Variants in RXRA observed in about 807,000 individuals in gnomAD.
RXRA encodes the protein retinoic acid receptor RXR-alpha.
Under a neutral mutation model 44.5 loss-of-function variants are expected in RXRA, and 5 were observed. The observed-to-expected ratio is 0.11, with a 90% CI of 0.06 to 0.24. The LOEUF (loss-of-function observed/expected upper bound fraction) is 0.24. Ranked by LOEUF, RXRA falls within the 10% of genes least tolerant of loss-of-function variation. The pLI is 1.00. For missense variants in RXRA, 412 were observed against 646.5 expected (o/e 0.64, Z 3.93); for synonymous variants, 291 against 271.4 (o/e 1.07, Z -0.71).
intron 1 of RXRA, among the ~76,000 whole-genome samples, chr9:134,355,689 G>T (rs1830274975): frequency 6.6e-6 from 1 of 152,050 alleles, no homozygotes; most frequent in African/African-American, 2.4e-5. Context: ...GTGCACCCCC[G>T]CTGGGTGGGG....
In RXRA at chr9:134,417,843, GC is replaced by G. The variant is rs1447022669; in HGVS notation, c.780+522del. On this transcript the variant is annotated intron_variant, in intron 5 of 9. Coordinates refer to ENST00000481739, the MANE Select transcript of RXRA (RefSeq NM_002957.6). This position sits in a 1 kb window ranked among gnomAD's most constrained non-coding sequence, Gnocchi z 6.1. The stretch of plus-strand genomic sequence containing the variant: ...TGTTGATACAGGAAGCAGCTCTGCA[GC>G]CCCCCAGCTGGTCACCCCCATGCTG... Among the ~76,000 whole-genome samples, 1 of 152,012 alleles carries G rather than the reference GC, an allele frequency of 6.6e-6. No individual in the cohort carries two copies. Among genetic ancestry groups the G allele is most frequent in the Admixed American group, 6.5e-5 (1 of 15,276 alleles).
chr9:134,410,895 G>A (rs1285884208), intron 4 of RXRA, among the ~76,000 whole-genome samples: 8 of 152,186 alleles, frequency 5.3e-5, no homozygotes, highest in African/African-American at 1.9e-4. Context: ...CAGTAAGCTC[G>A]CTGTCCTTTG....
chr9:134,410,388 AGG>A (rs1196357998), intron 4 of RXRA, among the ~76,000 whole-genome samples: 39 of 152,342 alleles, frequency 2.6e-4, no homozygotes, highest in Middle Eastern at 3.4e-3. Flanking sequence ...AGCCTTGCGC[AGG>A]GTCACATGCT....
intron 1 of RXRA, among the ~76,000 whole-genome samples, chr9:134,337,078 G>A (rs564523127): frequency 2.6e-5 from 4 of 152,306 alleles, no homozygotes; most frequent in African/African-American, 9.6e-5. Flanking sequence ...AGTGCTCAGC[G>A]TGTTGGAGAT....
chr9:134,380,754 C>T (rs921889429), intron 1 of RXRA, among the ~76,000 whole-genome samples: 1 of 152,092 alleles, frequency 6.6e-6, no homozygotes, highest in Non-Finnish European at 1.5e-5. Context: ...CTTTCCAGTT[C>T]CCCGGCACCT....
chr9:134,382,127 G>GC (rs1378687623), intron 1 of RXRA, among the ~76,000 whole-genome samples: 6 of 151,912 alleles, frequency 3.9e-5, no homozygotes, highest in East Asian at 3.9e-4. Context: ...CCAGGATGTG[G>GC]GGGGGCGCAG....
intron 1 of RXRA, among the ~76,000 whole-genome samples, chr9:134,350,318 C>T (rs367586152): frequency 6.6e-6 from 1 of 152,172 alleles, no homozygotes; most frequent in African/African-American, 2.4e-5. Flanking sequence ...CCCCGCCTCG[C>T]CAGCTGCAGC....
intron 1 of RXRA, among the ~76,000 whole-genome samples, chr9:134,339,604 T>G (rs1296687974): frequency 6.7e-6 from 1 of 149,536 alleles, no homozygotes; most frequent in Non-Finnish European, 1.5e-5. Context: ...CCTGTGCGTG[T>G]GTTTCTGTGT....
intron 1 of RXRA, among the ~76,000 whole-genome samples, chr9:134,331,683 G>T (rs1449840363): frequency 4.6e-5 from 7 of 152,260 alleles, no homozygotes; most frequent in Admixed American, 3.3e-4. Flanking sequence ...GGACCTTGTG[G>T]AGGTGTCACA....
rs151121390 is a variant in RXRA, at chr9:134,370,519, G to T, written c.29-31113G>T. Among the ~76,000 whole-genome samples the T allele has an allele frequency of 4.0e-3, 615 of 152,356 alleles. 4 individuals carry two copies. The highest frequency in any genetic ancestry group is 0.013 in the African/African-American group (551 of 41,584). ...CAGGACAAGGCCAAGCCTTTGCCCC[G>T]TAGACGAAGGGCTCATGGTGAGCCC... On this transcript the variant is annotated intron_variant, in intron 1 of 9. Transcript: ENST00000481739.
chr9:134,424,373 T>C, intron 6 of RXRA: 3 of 985,412 alleles, frequency 3.0e-6, no homozygotes, highest in Non-Finnish European at 3.6e-6. Flanking sequence ...TGCGGCTGCA[T>C]GTCTCTGAGT....
chr9:134,379,948 T>G, intron 1 of RXRA: 1 of 985,268 alleles, frequency 1.0e-6, no homozygotes, highest in Non-Finnish European at 1.2e-6. Context: ...CCTCCCAGCC[T>G]GCTCCCCTGG....
Position 134,417,345 on chromosome 9 carries a change from C to T in RXRA, c.780+18C>T. On this transcript the variant is annotated intron_variant, in intron 5 of 9. Coordinates refer to ENST00000481739, the MANE Select transcript of RXRA (RefSeq NM_002957.6). This position sits in a 1 kb window ranked among gnomAD's most constrained non-coding sequence, Gnocchi z 6.1. ...CCAGCTCGGTGAGTTGCAGCCTGTG[C>T]AGGGGTGGGCAGCCTCACATGCCTC... The T allele has an allele frequency of 1.2e-6, 2 of 1,608,210 alleles. No individual in the cohort carries two copies. The highest frequency in any genetic ancestry group is 1.7e-6 in the Non-Finnish European group (2 of 1,176,052).
chr9:134,381,078 T>A (rs1279491742), intron 1 of RXRA, among the ~76,000 whole-genome samples: 1 of 152,170 alleles, frequency 6.6e-6, no homozygotes, highest in East Asian at 1.9e-4. Context: ...GGGGTTTTCC[T>A]TCTCTGAGCC....
chr9:134,421,997 C>G, intron 6 of RXRA, 192 bp downstream of exon 6: 1 of 1,477,802 alleles, frequency 6.8e-7, no homozygotes, highest in Non-Finnish European at 9.0e-7. Context: ...TCCCGGGACA[C>G]TCCCCCTTCC....
chr9:134,355,777 G>A (rs967349773), intron 1 of RXRA, among the ~76,000 whole-genome samples: 3 of 152,214 alleles, frequency 2.0e-5, no homozygotes, highest in African/African-American at 7.2e-5. Context: ...GTAGGGACCT[G>A]GCCCGTTGTG....
intron 2 of RXRA, among the ~76,000 whole-genome samples, chr9:134,406,592 C>T (rs765625264): frequency 1.1e-4 from 16 of 152,326 alleles, no homozygotes; most frequent in African/African-American, 2.2e-4. Context: ...ACTAGACCAG[C>T]GAGCCCTGGA....
intron 1 of RXRA, among the ~76,000 whole-genome samples, chr9:134,387,155 C>A (rs1830732051): frequency 6.6e-6 from 1 of 152,214 alleles, no homozygotes; most frequent in African/African-American, 2.4e-5. Context: ...TCGGAGGGTC[C>A]CCACACCCAT....
At position 134,350,561 on chromosome 9, in the gene RXRA, G is replaced by A. The variant is rs565349265; in HGVS notation, c.28+23902G>A. ...GGCACAGCAGGCCCCAGACGATGCC[G>A]CATGAGGACTGTGTGGGCCTCTGTG... On this transcript the variant is annotated intron_variant, in intron 1 of 9. Transcript: ENST00000481739. Among the ~76,000 whole-genome samples, 6 of 152,336 alleles carry A rather than the reference G, an allele frequency of 3.9e-5. No homozygotes were observed. The South Asian group carries it at 6.2e-4, about 16-fold the overall frequency.
Sources: allele counts gnomAD v4.1 joint callset (sites outside exome capture counted in the v4.1 genomes callset), GRCh38; gene constraint gnomAD v4.1.1; non-coding constraint Gnocchi (gnomAD v3.1); transcripts MANE v1.5; gene names NCBI Gene and HGNC (gene_info 2026-07-23, HGNC 2026-07-21).